Variants in ZFHX3 observed in about 807,000 individuals in gnomAD.
The protein encoded by ZFHX3 is zinc finger homeobox protein 3.
A neutral mutation model predicts 279.1 loss-of-function variants in ZFHX3; 42 were observed. The observed-to-expected ratio is 0.15, with a 90% confidence interval of 0.12 to 0.19. ZFHX3 has a LOEUF of 0.19. ZFHX3 is among the 10% of genes least tolerant of loss of function. The pLI, the probability that ZFHX3 is intolerant of heterozygous loss-of-function variation, is 1.00. For synonymous variants in ZFHX3, 2,293 were observed against 1,957.8 expected, an observed-to-expected ratio of 1.17 and a Z score of -4.52; for missense variants, 4,981 against 4,754.0, an observed-to-expected ratio of 1.05 and a Z score of -1.40.
exon 1 of ZFHX3, chr16:73,059,356 ACACACACGAGCGCGCG>A (rs1256994086): frequency 1.6e-5 from 2 of 128,126 alleles, no homozygotes; most frequent in African/African-American, 3.1e-5. Context: ...CACACACGAC[ACACACACGAGCGCGCG>A]CACACACACA....
intron 2 of ZFHX3, among the ~76,000 whole-genome samples, chr16:73,606,273 C>A (rs373163196): frequency 1.4e-5 from 2 of 147,658 alleles, no homozygotes; most frequent in African/African-American, 5.1e-5. Flanking sequence ...TTTAGGAGGC[C>A]GAGGTGGGCA....
chr16:73,192,102 G>A (rs1968051734), intron 5 of ZFHX3, among the ~76,000 whole-genome samples: 1 of 152,090 alleles, frequency 6.6e-6, no homozygotes, highest in Admixed American at 6.5e-5. Context: ...GGACAGAGGG[G>A]TGCCTTCCTC....
chr16:72,839,851 A>G (rs1280319716), intron 4 of ZFHX3, among the ~76,000 whole-genome samples: 4 of 152,122 alleles, frequency 2.6e-5, no homozygotes, highest in Non-Finnish European at 5.9e-5. Flanking sequence ...AGGAAGGGAC[A>G]TTTTTCAACA....
intron 2 of ZFHX3, among the ~76,000 whole-genome samples, chr16:73,575,353 A>G (rs2051788886): frequency 2.0e-5 from 3 of 152,100 alleles, no homozygotes; most frequent in Admixed American, 6.5e-5. Flanking sequence ...ACCTTTCACA[A>G]TCTCCCTGTT....
intron 1 of ZFHX3, among the ~76,000 whole-genome samples, chr16:73,722,471 T>A (rs769055824): frequency 6.6e-6 from 1 of 152,234 alleles, no homozygotes; most frequent in Non-Finnish European, 1.5e-5. Context: ...CCAGCAAAAT[T>A]AAACTTCTTT....
At chr16:73,786,163 G>C (rs1030298280) in intron 1 of ZFHX3, among the ~76,000 whole-genome samples, 1 of 151,902 alleles carries the variant, frequency 6.6e-6, no homozygotes, top group Non-Finnish European at 1.5e-5. Flanking sequence ...GAGCCACCGT[G>C]CCCAGCCAGA....
At chr16:73,684,897 C>T (rs1040873795) in intron 1 of ZFHX3, among the ~76,000 whole-genome samples, 1 of 152,076 alleles carries the variant, frequency 6.6e-6, no homozygotes. Flanking sequence ...GACAGGATTT[C>T]ACTATGTTGG....
rs375716726 is a variant in ZFHX3, at chr16:73,770,228, A to G, written c.-1607-89988T>C. Among the ~76,000 whole-genome samples, 52 of 152,362 alleles carry G rather than the reference A, an allele frequency of 3.4e-4. No individual in the cohort carries two copies. In the South Asian group the frequency reaches 0.011, roughly 31 times the overall value. On this transcript the variant is annotated intron_variant, in intron 1 of 17. Coordinates refer to the ZFHX3 transcript ENST00000641206. Reference sequence around the variant, plus strand: ...TGACTTAAGAATCAGAGTCAGAGTGATGTAATGTTAGAAATACTCTGCCAG... The same window carrying G: ...TGACTTAAGAATCAGAGTCAGAGTGGTGTAATGTTAGAAATACTCTGCCAG...
Position 73,105,408 on chromosome 16 carries a change from T to TACACACACATATATATATATAC in ZFHX3, c.-896-11811_-896-11810insGTATATATATATATGTGTGTGT, listed in dbSNP as rs1567389841. On this transcript the variant is annotated intron_variant, in intron 7 of 17. Coordinates refer to the ZFHX3 transcript ENST00000641206. Reference sequence around the variant, plus strand: ...ACACACACACACATATATATATATATACACACACACATATATATATATATA... The same window carrying TACACACACATATATATATATAC: ...ACACACACACACATATATATATATATACACACACATATATATATATACACACACACACATATATATATATATA... 3.1e-3 allele frequency among the ~76,000 whole-genome samples: 256 copies of TACACACACATATATATATATAC among 82,720 alleles called. 10 individuals carry two copies. The highest frequency in any genetic ancestry group is 0.016 in the Middle Eastern group (2 of 122). The allele number at this position is 82,720 out of a possible 152,430, so 54.3% of individuals were successfully genotyped here. A position where few individuals can be genotyped will look rare whatever the true frequency, so the allele number is the denominator to read the frequency against.
rs573327688 is a variant in ZFHX3 at position 72,798,119 on chromosome 16, T to C, written c.4563A>G (p.Pro1521=). ...GSVQEDSGSE[P]KRALPFRKGP... ...CTTTTCTGAAAGGCAGAGCTCTCTT[T>C]GGCTCTGAGCCCGAGTCTTCTTGTA... Residue 1521 remains proline, a synonymous_variant, in exon 9 of 10, where the codon CCA becomes CCG. Coordinates refer to ENST00000268489, the MANE Select transcript of ZFHX3 (RefSeq NM_006885.4). The C allele has an allele frequency of 1.9e-6, 3 of 1,614,266 alleles. No homozygotes were observed. The highest frequency in any genetic ancestry group is 1.3e-5 in the African/African-American group (1 of 75,080).
chr16:73,669,567 T>A (rs1182892210), intron 2 of ZFHX3, among the ~76,000 whole-genome samples: 1 of 152,202 alleles, frequency 6.6e-6, no homozygotes, highest in Non-Finnish European at 1.5e-5. Flanking sequence ...TGAAAAGGGT[T>A]AGGAAAATCT....
intron 2 of ZFHX3, among the ~76,000 whole-genome samples, chr16:73,644,882 C>T (rs117449714): frequency 0.018 from 2,672 of 152,210 alleles, 40 homozygotes; most frequent in Non-Finnish European, 0.029. Flanking sequence ...CCCTCAAAGC[C>T]ACAACATATT....
chr16:73,511,548 TTGAATGACTTC>T (rs1474821458), intron 2 of ZFHX3, among the ~76,000 whole-genome samples: 1 of 152,142 alleles, frequency 6.6e-6, no homozygotes, highest in African/African-American at 2.4e-5. Context: ...AAATATGGAG[TTGAATGACTTC>T]TGTTAACTGT....
intron 1 of ZFHX3, among the ~76,000 whole-genome samples, chr16:73,709,044 C>T (rs759683365): frequency 6.6e-6 from 1 of 152,212 alleles, no homozygotes; most frequent in South Asian, 2.1e-4. Flanking sequence ...TCCTGACCTT[C>T]TTCGGTACCT....
At chr16:72,934,482 A>C (rs963804467) in intron 3 of ZFHX3, among the ~76,000 whole-genome samples, 1 of 152,182 alleles carries the variant, frequency 6.6e-6, no homozygotes, top group East Asian at 1.9e-4. Context: ...CCAGTTATTA[A>C]AATTATTTTA....
chr16:73,576,638 C>T (rs1471200791), intron 2 of ZFHX3, among the ~76,000 whole-genome samples: 4 of 151,900 alleles, frequency 2.6e-5, no homozygotes, highest in Admixed American at 6.6e-5. Flanking sequence ...CATGTATGTC[C>T]CAAAGCAGAG....
At chr16:73,665,191 A>T (rs1383308471) in intron 2 of ZFHX3, among the ~76,000 whole-genome samples, 6 of 148,106 alleles carry the variant, frequency 4.1e-5, no homozygotes, top group African/African-American at 1.5e-4. Context: ...TGAAGAGATG[A>T]TCTTTCTGAT....
chr16:73,390,357 AGG>A (rs955138684), intron 3 of ZFHX3, among the ~76,000 whole-genome samples: 3 of 152,126 alleles, frequency 2.0e-5, no homozygotes, highest in Non-Finnish European at 2.9e-5. Flanking sequence ...AAGCTTCTGG[AGG>A]GCAGGAGCAG....
At chr16:73,855,254 G>A (rs532858664) in intron 1 of ZFHX3, among the ~76,000 whole-genome samples, 3 of 116,930 alleles carry the variant, frequency 2.6e-5, no homozygotes, top group South Asian at 2.5e-4. Flanking sequence ...AATGCCATTC[G>A]TTCAATGTCC....
Sources: gnomAD v4.1 joint callset for allele counts (sites outside exome capture counted in the v4.1 genomes callset) on GRCh38, gnomAD v4.1.1 for gene constraint, MANE v1.5 for transcripts, NCBI Gene and HGNC (gene_info 2026-07-23, HGNC 2026-07-21) for gene names.